The following ZNF385D variants were observed in gnomAD, a reference collection of about 807,000 sequenced individuals.
The protein encoded by ZNF385D is zinc finger protein 385D, also known as zinc finger protein 659.
Under a neutral mutation model 35.8 loss-of-function variants are expected in ZNF385D, and 15 were observed. The ratio of observed to expected loss-of-function variants is 0.42; its 90% confidence interval spans 0.28 to 0.64. ZNF385D has a LOEUF of 0.64. Among genes scored for constraint, ZNF385D ranks in the 30% least tolerant of loss-of-function variants. The pLI is 0.23. For synonymous variants in ZNF385D, 212 were observed against 186.8 expected, an observed-to-expected ratio of 1.13 and a Z score of -1.10; for missense variants, 474 against 494.6, an observed-to-expected ratio of 0.96 and a Z score of 0.39.
At chr3:22,026,512 G>T (rs966878655) in intron 3 of ZNF385D, among the ~76,000 whole-genome samples, 1 of 152,152 alleles carries the variant, frequency 6.6e-6, no homozygotes, top group Non-Finnish European at 1.5e-5. Flanking sequence ...TTAAAGTAGG[G>T]ACTTATGGAA....
At chr3:21,811,576 T>G in intron 3 of ZNF385D, among the ~76,000 whole-genome samples, 1 of 152,138 alleles carries the variant, frequency 6.6e-6, no homozygotes, top group Non-Finnish European at 1.5e-5. Flanking sequence ...ATTTGGAGGT[T>G]TCCAATGTAT....
At chr3:22,081,261 G>A (rs540932205) in intron 3 of ZNF385D, among the ~76,000 whole-genome samples, 1 of 152,084 alleles carries the variant, frequency 6.6e-6, no homozygotes, top group South Asian at 2.1e-4. Flanking sequence ...ATCCATCTGT[G>A]GGTCTTAATT....
intron 4 of ZNF385D, among the ~76,000 whole-genome samples, chr3:21,507,577 A>G (rs1706875866): frequency 6.6e-6 from 1 of 152,152 alleles, no homozygotes; most frequent in Non-Finnish European, 1.5e-5. Flanking sequence ...TCTGCCAAGT[A>G]TTTAACTATT....
intron 3 of ZNF385D, chr3:21,978,109 T>C (rs1347793722): frequency 6.9e-6 from 1 of 144,722 alleles, no homozygotes; most frequent in East Asian, 2.1e-4. Flanking sequence ...TAAACTACTT[T>C]TACCCTGTTC....
intron 2 of ZNF385D, among the ~76,000 whole-genome samples, chr3:22,211,177 G>A (rs141517868): frequency 6.6e-6 from 1 of 151,814 alleles, no homozygotes; most frequent in Non-Finnish European, 1.5e-5. Context: ...TCAAAAGTGG[G>A]AACATAATAA....
At chr3:22,116,516 GAAGAA>G (rs1467948488) in intron 3 of ZNF385D, among the ~76,000 whole-genome samples, 19 of 152,148 alleles carry the variant, frequency 1.2e-4, no homozygotes, top group Admixed American at 1.2e-3. Context: ...AAAAGTGGGT[GAAGAA>G]AACAGAAAAA....
chr3:22,128,880 A>G lies in ZNF385D; in HGVS notation c.325+39937T>C, dbSNP rs1703606619. 3.9e-5 allele frequency among the ~76,000 whole-genome samples: 6 copies of G among 152,274 alleles called. No individual in the cohort carries two copies. The South Asian group carries it at 1.2e-3, about 32-fold the overall frequency. ...AAGGTCACATTTCTTGTCACTCTGA[A>G]ATTGGTCACTGTTGTCTCTTTTAGA... On this transcript the variant is annotated intron_variant, in intron 3 of 5. Coordinates refer to the ZNF385D transcript ENST00000494108.
intron 3 of ZNF385D, among the ~76,000 whole-genome samples, chr3:21,878,703 A>G (rs1480637060): frequency 6.6e-6 from 1 of 152,036 alleles, no homozygotes; most frequent in Non-Finnish European, 1.5e-5. Flanking sequence ...GGTAGGTTCC[A>G]TGAAGTGGAA....
chr3:21,756,510 G>A (rs2070347828), intron 3 of ZNF385D, among the ~76,000 whole-genome samples: 2 of 152,070 alleles, frequency 1.3e-5, no homozygotes, highest in African/African-American at 4.8e-5. Flanking sequence ...GGAGCTCAAA[G>A]GAGATGTTTG....
At chr3:21,998,229 G>A (rs539129245) in intron 3 of ZNF385D, among the ~76,000 whole-genome samples, 1 of 152,158 alleles carries the variant, frequency 6.6e-6, no homozygotes, top group East Asian at 1.9e-4. Flanking sequence ...ATGTAGCCAG[G>A]CAGCAATCCA....
chr3:22,176,133 T>C (rs1694817301), intron 2 of ZNF385D, among the ~76,000 whole-genome samples: 1 of 151,816 alleles, frequency 6.6e-6, no homozygotes. Context: ...GACATAAAAA[T>C]GGCATTACTA....
intron 3 of ZNF385D, among the ~76,000 whole-genome samples, chr3:22,040,141 G>C (rs1698575687): frequency 6.6e-6 from 1 of 152,028 alleles, no homozygotes; most frequent in African/African-American, 2.4e-5. Flanking sequence ...TGTAGGTCTA[G>C]GGTGAGATCA....
intron 3 of ZNF385D, among the ~76,000 whole-genome samples, chr3:22,076,463 C>A (rs1274988136): frequency 1.3e-5 from 2 of 152,022 alleles, no homozygotes; most frequent in Non-Finnish European, 2.9e-5. Flanking sequence ...GCTTAAGATT[C>A]ATCTCCCAAA....
At chr3:22,034,534 T>C (rs757025243) in intron 3 of ZNF385D, among the ~76,000 whole-genome samples, 4 of 152,162 alleles carry the variant, frequency 2.6e-5, no homozygotes, top group Non-Finnish European at 5.9e-5. Context: ...CAGAAAGCAA[T>C]TTAAAATGAG....
At chr3:22,169,260 T>C (rs1355788190) in intron 2 of ZNF385D, among the ~76,000 whole-genome samples, 1 of 152,216 alleles carries the variant, frequency 6.6e-6, no homozygotes, top group Non-Finnish European at 1.5e-5. Context: ...AATACTGTGC[T>C]ATATGTTTTT....
At chr3:22,078,199 T>A (rs776009955) in intron 3 of ZNF385D, among the ~76,000 whole-genome samples, 1 of 152,038 alleles carries the variant, frequency 6.6e-6, no homozygotes, top group Non-Finnish European at 1.5e-5. Context: ...AACACCTTTT[T>A]AAAAAATAAT....
chr3:21,889,132 A>C (rs1466819502), intron 3 of ZNF385D, among the ~76,000 whole-genome samples: 1 of 152,346 alleles, frequency 6.6e-6, no homozygotes, highest in East Asian at 1.9e-4. Context: ...TGACACTGAA[A>C]TAGACAACAG....
At chr3:21,728,669 G>A (rs572427200) in intron 1 of ZNF385D, among the ~76,000 whole-genome samples, 36 of 152,194 alleles carry the variant, frequency 2.4e-4, no homozygotes, top group African/African-American at 8.7e-4. Context: ...CACTTTACAG[G>A]TGAGAAAGTG....
intron 7 of ZNF385D, 69 bp downstream of exon 7, chr3:21,423,894 C>T: frequency 6.7e-7 from 1 of 1,491,518 alleles, no homozygotes; most frequent in Non-Finnish European, 9.2e-7. Context: ...GGCAAAATGC[C>T]AGAACAAATC....
Sources: gnomAD v4.1 joint callset for allele counts (sites outside exome capture counted in the v4.1 genomes callset) on GRCh38, gnomAD v4.1.1 for gene constraint, MANE v1.5 for transcripts, NCBI Gene and HGNC (gene_info 2026-07-23, HGNC 2026-07-21) for gene names.